The following KCNB2 variants were observed in gnomAD, a reference collection of about 807,000 sequenced individuals.
KCNB2 encodes the protein delayed rectifier potassium channel protein.
KCNB2 carries 15 observed loss-of-function variants against 61.5 expected under a neutral mutation model. That is an observed-to-expected ratio of 0.24 (90% CI 0.16 to 0.38). The LOEUF (loss-of-function observed/expected upper bound fraction) is 0.38. Among genes scored for constraint, KCNB2 ranks in the 10% least tolerant of loss-of-function variants. The pLI, the probability that KCNB2 is intolerant of heterozygous loss-of-function variation, is 1.00. For missense variants in KCNB2, 828 were observed against 1,125.2 expected (o/e 0.74, Z 3.78); for synonymous variants, 457 against 446.0 (o/e 1.02, Z -0.31).
At chr8:72,829,538 C>T (rs1899079) in intron 2 of KCNB2, among the ~76,000 whole-genome samples, 3 of 152,170 alleles carry the variant, frequency 2.0e-5, no homozygotes, top group East Asian at 1.9e-4. Flanking sequence ...AATATTTTCT[C>T]GTAAGTTCTC....
intron 2 of KCNB2, among the ~76,000 whole-genome samples, chr8:72,906,509 T>G (rs1001729770): frequency 6.6e-6 from 1 of 152,242 alleles, no homozygotes; most frequent in Non-Finnish European, 1.5e-5. Context: ...TAAAAGATAC[T>G]CTGTAAAATT....
intron 2 of KCNB2, among the ~76,000 whole-genome samples, chr8:72,572,304 T>A (rs996873364): frequency 6.6e-6 from 1 of 152,094 alleles, no homozygotes; most frequent in African/African-American, 2.4e-5. Flanking sequence ...TGATCTCAGG[T>A]GTCAGGTCAG....
intron 2 of KCNB2, among the ~76,000 whole-genome samples, chr8:72,752,462 A>G (rs1400383279): frequency 1.3e-5 from 2 of 152,122 alleles, no homozygotes; most frequent in Non-Finnish European, 2.9e-5. Flanking sequence ...TATGCAGAGG[A>G]AGGAATTTGT....
chr8:72,872,913 C>T (rs915868655), intron 2 of KCNB2, among the ~76,000 whole-genome samples: 1 of 152,160 alleles, frequency 6.6e-6, no homozygotes, highest in African/African-American at 2.4e-5. Context: ...AACGGTGTCT[C>T]CCCCAAATAA....
chr8:72,585,975 AAATT>A (rs1456333961), intron 2 of KCNB2, among the ~76,000 whole-genome samples: 90 of 152,322 alleles, frequency 5.9e-4, no homozygotes, highest in African/African-American at 2.0e-3. Context: ...TCACTTCCAA[AAATT>A]AATTGCTATT....
chr8:72,718,287 C>T (rs993652352), intron 2 of KCNB2, among the ~76,000 whole-genome samples: 1 of 152,098 alleles, frequency 6.6e-6, no homozygotes, highest in Non-Finnish European at 1.5e-5. Context: ...CTAGAAATAC[C>T]ATTTGACCCA....
chr8:72,684,395 G>T (rs1806813597), intron 2 of KCNB2, among the ~76,000 whole-genome samples: 2 of 152,338 alleles, frequency 1.3e-5, no homozygotes, highest in South Asian at 4.1e-4. Context: ...GCAGCTGACA[G>T]TATATATAGG....
In KCNB2 at chr8:72,667,347, T is replaced by C. The variant is rs16938288; in HGVS notation, c.579+99034T>C. ...GCCACACCCATTACTGTGCTTTAAG[T>C]ATTATTCATCTGTCCACCTGCTTTC... On this transcript the variant is annotated intron_variant, in intron 2 of 2. Transcript: ENST00000523207. Among the ~76,000 whole-genome samples, 1,510 of 152,322 alleles carry C rather than the reference T, an allele frequency of 9.9e-3. 24 individuals are homozygous for C. Among genetic ancestry groups the C allele is most frequent in the African/African-American group, 0.033 (1,373 of 41,566 alleles).
Position 72,886,685 on chromosome 8 carries a change from G to A in KCNB2, c.580-49250G>A, listed in dbSNP as rs146952523. ...AGCCTAGAGCTGGCCTCGACACTAC[G>A]TAATTTCCCCTGATGCTGCCCTGGC... is the stretch of plus-strand genomic sequence containing the variant. On this transcript the variant is annotated intron_variant, in intron 2 of 2. Transcript: ENST00000523207. Among the ~76,000 whole-genome samples, 19 of 152,304 alleles carry A rather than the reference G, an allele frequency of 1.2e-4. No individual in the cohort carries two copies. The East Asian group carries it at 3.3e-3, about 26-fold the overall frequency.
chr8:72,909,885 T>C (rs542677692), intron 2 of KCNB2, among the ~76,000 whole-genome samples: 1 of 152,156 alleles, frequency 6.6e-6, no homozygotes, highest in African/African-American at 2.4e-5. Context: ...AGAGGAAAGA[T>C]GGTGAATTCT....
At chr8:72,848,124 C>T (rs13262971) in intron 2 of KCNB2, among the ~76,000 whole-genome samples, 129,819 of 152,204 alleles carry the variant, frequency 0.85, 56,329 homozygotes, top group Middle Eastern at 0.97. Context: ...CTGTTATTTA[C>T]ACCAGTGAGG....
rs1037833019 is a variant in KCNB2 at position 72,844,124 on chromosome 8, G to T, written c.580-91811G>T. 3.3e-5 allele frequency among the ~76,000 whole-genome samples: 5 copies of T among 152,272 alleles called. No individual in the cohort carries two copies. In the East Asian group the frequency reaches 9.7e-4, roughly 29 times the overall value. On this transcript the variant is annotated intron_variant, in intron 2 of 2. Coordinates refer to ENST00000523207, the MANE Select transcript of KCNB2 (RefSeq NM_004770.3). ...GCTTCCTTCAGGAGCTCTTGTTAAG[G>T]CAGGCCTGGTGGTGACAAAATCTCT...
chr8:72,801,310 A>C lies in KCNB2; in HGVS notation c.580-134625A>C, dbSNP rs939605748. Among the ~76,000 whole-genome samples the C allele has an allele frequency of 2.6e-5, 4 of 152,248 alleles. No individual in the cohort carries two copies. The East Asian group carries it at 7.7e-4, about 29-fold the overall frequency. ...AGCAGTGTCCTTTCTTTCTAAAAGA[A>C]TAAACATAACATTTTAATTCTGTAA... On this transcript the variant is annotated intron_variant, in intron 2 of 2. Coordinates refer to ENST00000523207, the MANE Select transcript of KCNB2 (RefSeq NM_004770.3).
At chr8:72,774,863 C>G (rs1808620531) in intron 2 of KCNB2, among the ~76,000 whole-genome samples, 1 of 152,032 alleles carries the variant, frequency 6.6e-6, no homozygotes, top group Non-Finnish European at 1.5e-5. Flanking sequence ...TGCTAGAATT[C>G]TTTATCCGTG....
At chr8:72,546,987 G>C (rs557357243) in intron 1 of KCNB2, among the ~76,000 whole-genome samples, 1 of 152,256 alleles carries the variant, frequency 6.6e-6, no homozygotes, top group South Asian at 2.1e-4. Flanking sequence ...CTCTTGGTAG[G>C]GGCTAATCTA....
rs926603450 is a variant in KCNB2 at position 72,925,346 on chromosome 8, A to G, written c.580-10589A>G. Among the ~76,000 whole-genome samples, 3 of 152,214 alleles carry G rather than the reference A, an allele frequency of 2.0e-5. No individual in the cohort carries two copies. In the East Asian group the frequency reaches 5.8e-4, roughly 29 times the overall value. ...GGCAGAAAAATAATTCAACAAATGA[A>G]TATGCTTTCAGGGGACAGCTAGTAT... On this transcript the variant is annotated intron_variant, in intron 2 of 2. Transcript: ENST00000523207.
At chr8:72,789,520 G>A (rs1172444765) in intron 2 of KCNB2, among the ~76,000 whole-genome samples, 2 of 152,106 alleles carry the variant, frequency 1.3e-5, no homozygotes, top group African/African-American at 4.8e-5. Flanking sequence ...AGGTAGAGAA[G>A]GGGGAGGCAG....
chr8:72,867,820 G>A (rs1212922648), intron 2 of KCNB2, among the ~76,000 whole-genome samples: 6 of 152,106 alleles, frequency 3.9e-5, no homozygotes. Flanking sequence ...AGATGAAGAT[G>A]ACATCACTAC....
intron 2 of KCNB2, among the ~76,000 whole-genome samples, chr8:72,717,471 A>G (rs969742753): frequency 2.3e-4 from 35 of 152,192 alleles, no homozygotes; most frequent in Non-Finnish European, 4.4e-4. Context: ...AGAGATATAG[A>G]CCAATGGAAC....
Sources: gnomAD v4.1 joint callset for allele counts (sites outside exome capture counted in the v4.1 genomes callset) on GRCh38, gnomAD v4.1.1 for gene constraint, MANE v1.5 for transcripts, NCBI Gene and HGNC (gene_info 2026-07-23, HGNC 2026-07-21) for gene names.